WDR64: variants seen among roughly 807,000 people sequenced by gnomAD.
The protein encoded by WDR64 is WD repeat-containing protein 64.
WDR64 carries 112 observed loss-of-function variants against 139.3 expected under a neutral mutation model. That is an observed-to-expected ratio of 0.80 (90% confidence interval 0.69 to 0.94). The LOEUF (loss-of-function observed/expected upper bound fraction) is 0.94, where lower values mean the gene tolerates loss of function less well. Among genes scored for constraint, WDR64 ranks in the 40% least tolerant of loss-of-function variants. The probability of loss-of-function intolerance (pLI) is 0.00; values close to 1 mark genes in which losing one functional copy is unlikely to be tolerated. For synonymous variants in WDR64, 444 were observed against 437.7 expected (o/e 1.01, Z -0.18); for missense variants, 1,206 against 1,293.1 (o/e 0.93, Z 1.03).
chr1:241,735,533 C>CCCTTTTTTTTTTTTTGTTTTT (rs1237771842), intron 10 of WDR64, among the ~76,000 whole-genome samples: 1 of 103,514 alleles, frequency 9.7e-6, no homozygotes, highest in Non-Finnish European at 1.9e-5. Context: ...CTCTCTCTCT[C>CCCTTTTTTTTTTTTTGTTTTT]TTTTTTTTTT....
chr1:241,714,780 C>A (rs972537102), intron 9 of WDR64, among the ~76,000 whole-genome samples: 2 of 152,120 alleles, frequency 1.3e-5, no homozygotes, highest in Admixed American at 6.5e-5. Flanking sequence ...TGGGTTTAGC[C>A]ATCGCCTGGC....
At chr1:241,740,142 C>T (rs1233200109) in intron 11 of WDR64, among the ~76,000 whole-genome samples, 2 of 152,196 alleles carry the variant, frequency 1.3e-5, no homozygotes, top group Non-Finnish European at 2.9e-5. Flanking sequence ...AAGGTTAAAA[C>T]ATAGAACTGA....
At chr1:241,758,288 T>C (rs1670288308) in intron 15 of WDR64, among the ~76,000 whole-genome samples, 2 of 150,522 alleles carry the variant, frequency 1.3e-5, no homozygotes, top group African/African-American at 4.9e-5. Context: ...CTGTATTCCA[T>C]CAAGATTCTC....
chr1:241,720,569 T>C (rs953107968), intron 9 of WDR64, among the ~76,000 whole-genome samples: 3 of 152,224 alleles, frequency 2.0e-5, no homozygotes, highest in African/African-American at 7.2e-5. Flanking sequence ...GTTGAGTTTT[T>C]TTAATATGTT....
At chr1:241,715,154 C>T (rs1386339391) in intron 9 of WDR64, among the ~76,000 whole-genome samples, 1 of 152,080 alleles carries the variant, frequency 6.6e-6, no homozygotes, top group Non-Finnish European at 1.5e-5. Context: ...GGAGTCATGG[C>T]TTGGGTAGGG....
chr1:241,653,304 G>A (rs1195672903), intron 1 of WDR64, among the ~76,000 whole-genome samples: 1 of 152,190 alleles, frequency 6.6e-6, no homozygotes, highest in Admixed American at 6.5e-5. Context: ...AAGGAGCAGA[G>A]CCCATATAAT....
chr1:241,788,205 T>TG lies in WDR64; in HGVS notation c.2891+171_2891+172insG, dbSNP rs1659111554. Among the ~76,000 whole-genome samples the TG allele has an allele frequency of 2.0e-5, 3 of 152,176 alleles. No individual in the cohort carries two copies. In the South Asian group the frequency reaches 6.2e-4, roughly 31 times the overall value. ...AAACAAAGCTATAATTGGTAGTACT[T>TG]CTGGGAACATCTGATTCTTAAGACA... On this transcript the variant is annotated intron_variant, in intron 24 of 27. Coordinates refer to ENST00000437684, the MANE Select transcript of WDR64 (RefSeq NM_001367482.1).
intron 9 of WDR64, among the ~76,000 whole-genome samples, 169 bp downstream of exon 9, chr1:241,712,050 C>A (rs1409108202): frequency 6.6e-6 from 1 of 152,188 alleles, no homozygotes; most frequent in African/African-American, 2.4e-5. Flanking sequence ...CTTAGAAAAG[C>A]CTTCTTCAGC....
chr1:241,768,183 A>G (rs1304784472), intron 16 of WDR64, among the ~76,000 whole-genome samples: 1 of 152,214 alleles, frequency 6.6e-6, no homozygotes, highest in Non-Finnish European at 1.5e-5. Flanking sequence ...CATATCCAAC[A>G]TCCAATCAGA....
intron 22 of WDR64, among the ~76,000 whole-genome samples, chr1:241,780,660 C>A (rs1208841306): frequency 1.3e-5 from 2 of 152,070 alleles, no homozygotes; most frequent in Non-Finnish European, 2.9e-5. Flanking sequence ...GGATTTGATT[C>A]CTTGCAGAGT....
At chr1:241,762,093 C>T (rs558411431) in intron 15 of WDR64, among the ~76,000 whole-genome samples, 20 of 152,230 alleles carry the variant, frequency 1.3e-4, no homozygotes, top group African/African-American at 4.8e-4. Context: ...TTTGAGCAAC[C>T]AGATTTATCA....
At chr1:241,735,644 C>A (rs755689205) in intron 10 of WDR64, among the ~76,000 whole-genome samples, 1 of 149,892 alleles carries the variant, frequency 6.7e-6, no homozygotes, top group Non-Finnish European at 1.5e-5. Flanking sequence ...AAGCGATTCT[C>A]CTGTCTCAGC....
At chr1:241,720,447 G>A (rs191312584) in intron 9 of WDR64, among the ~76,000 whole-genome samples, 10 of 151,978 alleles carry the variant, frequency 6.6e-5, no homozygotes, top group East Asian at 3.9e-4. Flanking sequence ...CTTTTTCTCC[G>A]CAACTTTGCC....
chr1:241,754,624 G>A (rs1415204000), intron 14 of WDR64, among the ~76,000 whole-genome samples: 1 of 151,998 alleles, frequency 6.6e-6, no homozygotes, highest in Non-Finnish European at 1.5e-5. Context: ...GGCCCGTGCA[G>A]GTTTGTTACA....
intron 4 of WDR64, chr1:241,677,325 T>C: frequency 2.5e-6 from 1 of 398,576 alleles, no homozygotes; most frequent in African/African-American, 2.1e-5. Context: ...AGCGATGTAT[T>C]TTTTCCACCT....
intron 25 of WDR64, among the ~76,000 whole-genome samples, chr1:241,794,413 A>T (rs913831618): frequency 5.3e-5 from 8 of 152,050 alleles, no homozygotes; most frequent in African/African-American, 1.9e-4. Flanking sequence ...ACTTAACTGA[A>T]ACACTAAGTA....
intron 2 of WDR64, 100 bp downstream of exon 2, chr1:241,660,760 C>T (rs2148056051): frequency 1.5e-6 from 2 of 1,302,868 alleles, no homozygotes; most frequent in Admixed American, 4.5e-5. Context: ...GGGGTTGAAC[C>T]ACAACGTGCA....
chr1:241,762,192 C>G (rs6429305), intron 15 of WDR64, among the ~76,000 whole-genome samples: 1 of 152,024 alleles, frequency 6.6e-6, no homozygotes. Context: ...CCTTGATCCA[C>G]GGGCTGCAGA....
chr1:241,718,681 C>G (rs930413023), intron 9 of WDR64, among the ~76,000 whole-genome samples: 3 of 152,138 alleles, frequency 2.0e-5, no homozygotes, highest in African/African-American at 7.2e-5. Context: ...GCTGCCTTAA[C>G]AAAATACCAT....
Sources: allele counts gnomAD v4.1 joint callset (sites outside exome capture counted in the v4.1 genomes callset), GRCh38; gene constraint gnomAD v4.1.1; transcripts MANE v1.5; gene names NCBI Gene and HGNC (gene_info 2026-07-23, HGNC 2026-07-21).